HMBOX1: variants seen among roughly 807,000 people sequenced by gnomAD.
The protein encoded by HMBOX1 is homeobox containing 1, also known as homeobox-containing protein 1.
A neutral mutation model predicts 54.5 loss-of-function variants in HMBOX1; 14 were observed. The ratio of observed to expected loss-of-function variants is 0.26; its 90% CI spans 0.17 to 0.40. HMBOX1 has a LOEUF of 0.40. HMBOX1 is among the 10% of genes least tolerant of loss of function. HMBOX1 has a pLI of 1.00. For missense variants in HMBOX1, 332 were observed against 514.4 expected (o/e 0.65, Z 3.43); for synonymous variants, 160 against 181.0 (o/e 0.88, Z 0.93).
intron 3 of HMBOX1, among the ~76,000 whole-genome samples, chr8:28,974,881 C>A (rs1428410441): frequency 2.6e-5 from 4 of 152,150 alleles, no homozygotes; most frequent in Non-Finnish European, 4.4e-5. Flanking sequence ...TTTAAGAGAT[C>A]CTAAAGAATG....
rs10554708 is a variant in HMBOX1, at chr8:28,970,981, GACACACACACACACACACAC to G, written c.500+492_500+511del. Reference sequence around the variant, plus strand: ...ATAGGTTCTAATTTTAGCAATAGATGACACACACACACACACACACACACACACACACACACACACACACA... The same window carrying G: ...ATAGGTTCTAATTTTAGCAATAGATGACACACACACACACACACACACACA... On this transcript the variant is annotated intron_variant, in intron 3 of 9. Coordinates refer to ENST00000287701, the MANE Select transcript of HMBOX1 (RefSeq NM_001135726.3). This position sits in a 1 kb window ranked among gnomAD's most constrained non-coding sequence, Gnocchi z 4.3. Among the ~76,000 whole-genome samples the G allele has an allele frequency of 4.1e-3, 544 of 132,044 alleles. 7 individuals carry two copies. Among genetic ancestry groups the G allele is most frequent in the African/African-American group, 0.012 (435 of 34,930 alleles). 86.6% of individuals were successfully genotyped at this position (132,044 alleles called of 152,430 possible). A position where few individuals can be genotyped will look rare whatever the true frequency, so the allele number is the denominator to read the frequency against.
intron 9 of HMBOX1, chr8:29,049,340 G>C: frequency 6.5e-7 from 1 of 1,534,256 alleles, no homozygotes; most frequent in Non-Finnish European, 8.7e-7. Flanking sequence ...GAAGTTCAGA[G>C]GGAGGCAGAG....
At chr8:28,914,327 G>A (rs1349857228) in intron 1 of HMBOX1, among the ~76,000 whole-genome samples, 2 of 151,824 alleles carry the variant, frequency 1.3e-5, no homozygotes, top group Middle Eastern at 3.2e-3. Flanking sequence ...AAAACGATTG[G>A]GACTTATATA....
At chr8:28,987,050 G>A (rs1428841663) in intron 4 of HMBOX1, among the ~76,000 whole-genome samples, 1 of 152,128 alleles carries the variant, frequency 6.6e-6, no homozygotes, top group Admixed American at 6.5e-5. Context: ...CAAATGCAGT[G>A]CATAGGAGTC....
chr8:28,907,413 T>A (rs1195337470), intron 1 of HMBOX1, among the ~76,000 whole-genome samples: 5 of 152,368 alleles, frequency 3.3e-5, no homozygotes, highest in Middle Eastern at 3.4e-3. Flanking sequence ...TTTAGTTCAT[T>A]GTGCTCAAAT....
rs1383458507 is a variant in HMBOX1 at position 29,052,689 on chromosome 8, G to A, written c.*1534G>A. On this transcript the variant is annotated 3_prime_UTR_variant, in exon 10 of 10. Transcript: ENST00000287701. ...GGCCTTGTATGAAAATGATCTCTTG[G>A]CATCCCGATTAAATGACACACTGTC... 1 of 151,986 alleles carries A rather than the reference G, an allele frequency of 6.6e-6. No homozygotes were observed. Among genetic ancestry groups the A allele is most frequent in the Admixed American group, 6.6e-5 (1 of 15,256 alleles). The allele number at this position is 151,986 out of a possible 1,614,324, so 9.4% of individuals were successfully genotyped here. A position where few individuals can be genotyped will look rare whatever the true frequency, so the allele number is the denominator to read the frequency against.
At chr8:28,924,999 T>C (rs1818200666) in intron 1 of HMBOX1, among the ~76,000 whole-genome samples, 1 of 151,446 alleles carries the variant, frequency 6.6e-6, no homozygotes, top group South Asian at 2.1e-4. Flanking sequence ...CCTGTTATCT[T>C]TCCTATTAGT....
At chr8:29,008,126 G>C (rs575535968) in intron 4 of HMBOX1, among the ~76,000 whole-genome samples, 1 of 152,246 alleles carries the variant, frequency 6.6e-6, no homozygotes, top group East Asian at 1.9e-4. Context: ...TTAGGTATAG[G>C]TAACCTTCTC....
chr8:28,960,780 T>TTTTTTTTTTTTTTTTTTG (rs1825415471), intron 1 of HMBOX1, among the ~76,000 whole-genome samples: 1 of 43,386 alleles, frequency 2.3e-5, no homozygotes, highest in Non-Finnish European at 5.0e-5. Flanking sequence ...TTTTTTTTTT[T>TTTTTTTTTTTTTTTTTTG]TTTTTTTTTT....
At chr8:28,925,649 AATC>A (rs1239266783) in intron 1 of HMBOX1, among the ~76,000 whole-genome samples, 1 of 152,112 alleles carries the variant, frequency 6.6e-6, no homozygotes, top group Non-Finnish European at 1.5e-5. Context: ...TGAAAAAAAA[AATC>A]TCTCTCATTA....
At chr8:28,950,198 C>T (rs191309969) in intron 1 of HMBOX1, among the ~76,000 whole-genome samples, 4 of 152,250 alleles carry the variant, frequency 2.6e-5, no homozygotes, top group Non-Finnish European at 5.9e-5. Flanking sequence ...TACTGTCAAC[C>T]AGTACATAGT....
rs370554123 is a variant in HMBOX1 at position 29,016,399 on chromosome 8, A to G, written c.698-2361A>G. Among the ~76,000 whole-genome samples, 708 of 152,360 alleles carry G rather than the reference A, an allele frequency of 4.6e-3. 5 individuals are homozygous for G. The highest frequency in any genetic ancestry group is 0.016 in the African/African-American group (660 of 41,574). ...ATTAAAGGGAAATTTTTTGCTGCCA[A>G]ATTTATACATTTGAATAATTAATAA... On this transcript the variant is annotated intron_variant, in intron 5 of 9. Transcript: ENST00000287701.
intron 1 of HMBOX1, among the ~76,000 whole-genome samples, chr8:28,938,014 T>C (rs1363144184): frequency 1.3e-5 from 2 of 152,214 alleles, no homozygotes; most frequent in African/African-American, 2.4e-5. Context: ...CTCATGACCT[T>C]TATTAATTTA....
chr8:28,978,972 A>G (rs1312148625), intron 3 of HMBOX1, among the ~76,000 whole-genome samples: 2 of 152,128 alleles, frequency 1.3e-5, no homozygotes, highest in African/African-American at 2.4e-5. Flanking sequence ...TTTGCTTAGT[A>G]TGTGTTTATC....
At chr8:29,029,529 C>A (rs1009304906) in intron 6 of HMBOX1, among the ~76,000 whole-genome samples, 3 of 152,118 alleles carry the variant, frequency 2.0e-5, no homozygotes, top group African/African-American at 7.2e-5. Context: ...TGAGAGCCTT[C>A]GTTTGATTTC....
At chr8:28,951,441 T>A (rs1189653542) in intron 1 of HMBOX1, among the ~76,000 whole-genome samples, 4 of 152,112 alleles carry the variant, frequency 2.6e-5, no homozygotes, top group Non-Finnish European at 5.9e-5. Flanking sequence ...CAAATAATAT[T>A]TTAGGAGCAG....
intron 1 of HMBOX1, chr8:28,891,444 T>C (rs945999873): frequency 8.5e-5 from 13 of 152,230 alleles, no homozygotes; most frequent in Non-Finnish European, 1.8e-4. Context: ...CTATTGGGGC[T>C]ACTTTGAAAG....
At chr8:29,023,042 A>C (rs1480284826) in intron 6 of HMBOX1, among the ~76,000 whole-genome samples, 1 of 152,094 alleles carries the variant, frequency 6.6e-6, no homozygotes, top group African/African-American at 2.4e-5. Flanking sequence ...CACCAAAAAA[A>C]TCTTACACTG....
chr8:28,995,519 A>G (rs939384751), intron 4 of HMBOX1, among the ~76,000 whole-genome samples: 1 of 152,230 alleles, frequency 6.6e-6, no homozygotes, highest in African/African-American at 2.4e-5. Context: ...GTGCCTAGAA[A>G]TAGAACTGCT....
Sources: allele counts gnomAD v4.1 joint callset (sites outside exome capture counted in the v4.1 genomes callset), GRCh38; gene constraint gnomAD v4.1.1; non-coding constraint Gnocchi (gnomAD v3.1); transcripts MANE v1.5; gene names NCBI Gene and HGNC (gene_info 2026-07-23, HGNC 2026-07-21).